YTHDF3: variants seen among roughly 807,000 people sequenced by gnomAD.
The protein encoded by YTHDF3 is YTH N6-methyladenosine RNA binding protein F3, also known as YTH domain-containing family protein 3.
A neutral mutation model predicts 52.5 loss-of-function variants in YTHDF3; 9 were observed. That is an observed-to-expected ratio of 0.17 (90% CI 0.10 to 0.30). The LOEUF (loss-of-function observed/expected upper bound fraction) is 0.30, where lower values mean the gene tolerates loss of function less well. Ranked by LOEUF, YTHDF3 falls within the 10% of genes least tolerant of loss-of-function variation. The probability of loss-of-function intolerance (pLI) is 1.00; values close to 1 mark genes in which losing one functional copy is unlikely to be tolerated. For synonymous variants in YTHDF3, 274 were observed against 243.3 expected, an observed-to-expected ratio of 1.13 and a Z score of -1.18; for missense variants, 534 against 715.0, an observed-to-expected ratio of 0.75 and a Z score of 2.89.
chr8:63,199,988 ATACAGTT>A (rs907894463), intron 4 of YTHDF3, among the ~76,000 whole-genome samples: 18 of 152,296 alleles, frequency 1.2e-4, no homozygotes, highest in East Asian at 5.8e-4. Context: ...GGCTTAAAAC[ATACAGTT>A]TACAGTTTTT....
At chr8:63,171,318 A>G (rs1037937330) in intron 2 of YTHDF3, among the ~76,000 whole-genome samples, 2 of 152,170 alleles carry the variant, frequency 1.3e-5, no homozygotes, top group African/African-American at 2.4e-5. Context: ...TTCCTATAGT[A>G]TGTTGTTAGG....
chr8:63,192,867 G>T (rs1264327277), intron 4 of YTHDF3, among the ~76,000 whole-genome samples: 2 of 148,646 alleles, frequency 1.3e-5, no homozygotes, highest in Admixed American at 1.3e-4. Context: ...TTAGTGTCTG[G>T]TTTTAATATG....
chr8:63,168,618 A>T (rs1460272894), upstream of YTHDF3: 1 of 614,048 alleles, frequency 1.6e-6, no homozygotes, highest in Non-Finnish European at 2.8e-6. Flanking sequence ...TCGGAGCGGA[A>T]GTGAGACTAG....
intron 4 of YTHDF3, among the ~76,000 whole-genome samples, chr8:63,198,891 T>C (rs1771996793): frequency 6.6e-6 from 1 of 152,202 alleles, no homozygotes. Flanking sequence ...ATTTGAAGAA[T>C]GTTTTTCTAG....
At chr8:63,177,898 C>T (rs1367370641) in intron 3 of YTHDF3, among the ~76,000 whole-genome samples, 5 of 151,986 alleles carry the variant, frequency 3.3e-5, no homozygotes, top group African/African-American at 1.2e-4. Flanking sequence ...GCTGGGATTA[C>T]AGACACATGC....
intron 4 of YTHDF3, among the ~76,000 whole-genome samples, chr8:63,203,387 C>T (rs1026406058): frequency 6.6e-6 from 1 of 152,134 alleles, no homozygotes; most frequent in Non-Finnish European, 1.5e-5. Context: ...TATATACACA[C>T]ACACATATAT....
chr8:63,195,275 C>T (rs1809162040), intron 4 of YTHDF3, among the ~76,000 whole-genome samples: 1 of 152,030 alleles, frequency 6.6e-6, no homozygotes, highest in Non-Finnish European at 1.5e-5. Context: ...AACCAATACC[C>T]CATTAAAAGA....
chr8:63,201,775 T>C (rs903890734), intron 4 of YTHDF3, among the ~76,000 whole-genome samples: 2 of 152,248 alleles, frequency 1.3e-5, no homozygotes, highest in South Asian at 2.1e-4. Flanking sequence ...CTATAAAAGC[T>C]ATTAGTGAAT....
rs958985416 is a variant in YTHDF3 at position 63,204,911 on chromosome 8, A to G, written c.1735-4772A>G. Among the ~76,000 whole-genome samples the G allele has an allele frequency of 6.6e-5, 10 of 152,290 alleles. No homozygotes were observed. In the East Asian group the frequency reaches 1.2e-3, roughly 18 times the overall value. The stretch of plus-strand genomic sequence containing the variant: ...AGATTACAAGGAAAATAAGTCATTT[A>G]TCTGTCTTGTCTTGTTAAGGGCATG... On this transcript the variant is annotated intron_variant, in intron 4 of 4. Coordinates refer to ENST00000539294, the MANE Select transcript of YTHDF3 (RefSeq NM_152758.6).
intron 4 of YTHDF3, among the ~76,000 whole-genome samples, chr8:63,198,716 C>G (rs186619205): frequency 1.3e-5 from 2 of 152,288 alleles, no homozygotes; most frequent in Admixed American, 1.3e-4. Context: ...AATAGTTATA[C>G]TTATGACAAC....
chr8:63,173,213 T>TATATATATATATATATATATACACAC (rs947970396), intron 2 of YTHDF3, among the ~76,000 whole-genome samples: 15 of 146,140 alleles, frequency 1.0e-4, no homozygotes, highest in African/African-American at 4.0e-4. Flanking sequence ...TATATATATA[T>TATATATATATATATATATATACACAC]ACAGATAAAT....
At chr8:63,194,877 G>A (rs760080727) in intron 4 of YTHDF3, among the ~76,000 whole-genome samples, 1 of 152,156 alleles carries the variant, frequency 6.6e-6, no homozygotes, top group African/African-American at 2.4e-5. Flanking sequence ...TTACATTGAG[G>A]TCTATAGTTA....
chr8:63,208,801 T>C (rs1434631942), intron 4 of YTHDF3, among the ~76,000 whole-genome samples: 1 of 152,228 alleles, frequency 6.6e-6, no homozygotes, highest in Non-Finnish European at 1.5e-5. Context: ...ATTATAATTT[T>C]TCTCCCAATT....
At chr8:63,179,264 A>G (rs913315764) in intron 3 of YTHDF3, among the ~76,000 whole-genome samples, 2 of 150,106 alleles carry the variant, frequency 1.3e-5, no homozygotes, top group Non-Finnish European at 3.0e-5. Context: ...TGTTTCTCGC[A>G]GAGGGGGATT....
chr8:63,179,828 G>A (rs1187510161), intron 3 of YTHDF3, among the ~76,000 whole-genome samples: 3 of 151,580 alleles, frequency 2.0e-5, no homozygotes, highest in East Asian at 3.9e-4. Context: ...CCCGGACGGG[G>A]CGGCTGGCCG....
At chr8:63,202,025 C>G (rs1304699781) in intron 4 of YTHDF3, among the ~76,000 whole-genome samples, 2 of 152,264 alleles carry the variant, frequency 1.3e-5, no homozygotes, top group East Asian at 3.9e-4. Context: ...TTCCCTCATT[C>G]AACAGATAAA....
intron 4 of YTHDF3, among the ~76,000 whole-genome samples, chr8:63,195,188 A>G (rs990833957): frequency 1.2e-4 from 19 of 152,334 alleles, no homozygotes; most frequent in African/African-American, 4.6e-4. Context: ...GGAGAAATCC[A>G]TGCTAGTTAG....
rs1243389880 is a variant in YTHDF3 at position 63,188,681 on chromosome 8, A to ATATATATATATGTG, written c.1734+947_1734+948insGTGTATATATATAT. ...ATTTTGTGTTTATAAGAAATTACAT[A>ATATATATATATGTG]TATATATATATATATATATATTTTT... On this transcript the variant is annotated intron_variant, in intron 4 of 4. Coordinates refer to ENST00000539294, the MANE Select transcript of YTHDF3 (RefSeq NM_152758.6). The ATATATATATATGTG allele has an allele frequency of 1.0e-4, 5 of 49,908 alleles. No homozygotes were observed. In the East Asian group the frequency reaches 2.1e-3, roughly 21 times the overall value. 3.1% of individuals were successfully genotyped at this position (49,908 alleles called of 1,614,324 possible). A position where few individuals can be genotyped will look rare whatever the true frequency, so the allele number is the denominator to read the frequency against.
chr8:63,170,635 A>AT (rs1807261302), intron 2 of YTHDF3, among the ~76,000 whole-genome samples: 1 of 152,190 alleles, frequency 6.6e-6, no homozygotes, highest in South Asian at 2.1e-4. Context: ...TTTAAAAAGA[A>AT]TGATCCATTA....
Sources: allele counts gnomAD v4.1 joint callset (sites outside exome capture counted in the v4.1 genomes callset), GRCh38; gene constraint gnomAD v4.1.1; transcripts MANE v1.5; gene names NCBI Gene and HGNC (gene_info 2026-07-23, HGNC 2026-07-21).